The following ADAMTS10 variants were observed in gnomAD, a reference collection of about 807,000 sequenced individuals.
ADAMTS10 encodes the protein ADAM metallopeptidase with thrombospondin type 1 motif 10.
In ADAMTS10, 48 loss-of-function variants were observed where a neutral mutation model predicts 135.9. The ratio of observed to expected loss-of-function variants is 0.35; its 90% CI spans 0.28 to 0.45. The LOEUF is 0.45. Ranked by LOEUF, ADAMTS10 falls within the 20% of genes least tolerant of loss-of-function variation. ADAMTS10 has a pLI of 1.00. For synonymous variants in ADAMTS10, 621 were observed against 647.5 expected (o/e 0.96, Z 0.62); for missense variants, 1,131 against 1,565.2 (o/e 0.72, Z 4.68).
chr19:8,581,024 G>A (rs1555735695), intron 25 of ADAMTS10, 22 bp from the exon 26 acceptor site: 2 of 1,577,372 alleles, frequency 1.3e-6, no homozygotes, highest in Non-Finnish European at 1.7e-6. Context: ...GGAGAAGGAA[G>A]GAAAAATCAG....
chr19:8,599,928 T>C (rs1600114576), intron 6 of ADAMTS10, among the ~76,000 whole-genome samples: 1 of 150,148 alleles, frequency 6.7e-6, no homozygotes. Flanking sequence ...TCCACCTCCC[T>C]GGTTCAAGCG....
At chr19:8,607,134 G>A (rs908829092) in intron 2 of ADAMTS10, among the ~76,000 whole-genome samples, 4 of 152,122 alleles carry the variant, frequency 2.6e-5, no homozygotes, top group Non-Finnish European at 5.9e-5. Flanking sequence ...TTTCAAGCCA[G>A]ATTAGAGCTA....
rs376292178 is a variant in ADAMTS10 at position 8,601,118 on chromosome 19, C to T, written c.620G>A (p.Trp207Ter). The change falls in exon 6 of 26, where the codon TGG (tryptophan) becomes TAG (stop). Residue 207 changes from tryptophan to a stop codon, truncating the protein, a stop_gained. Coordinates refer to ENST00000597188, the MANE Select transcript of ADAMTS10 (RefSeq NM_030957.4). LOFTEE classifies it high-confidence loss of function. This position sits in a 1 kb window ranked among gnomAD's most constrained non-coding sequence, Gnocchi z 4.6. ...CGGTGGCTTCAAGGTCCGCAGCCACCATGGCCGCCCTTTCCACGGTTTCTC... is the reference window on the plus strand; with the variant it reads ...CGGTGGCTTCAAGGTCCGCAGCCACTATGGCCGCCCTTTCCACGGTTTCTC... ...RDEKPWKGRP[W>*]WLRTLKPPPA... 1 of 1,613,936 alleles carries T rather than the reference C, an allele frequency of 6.2e-7. No individual in the cohort carries two copies. Among genetic ancestry groups the T allele is most frequent in the Non-Finnish European group, 8.5e-7 (1 of 1,180,044 alleles).
In ADAMTS10 at chr19:8,585,037, GC is replaced by G; in HGVS notation, c.3059del (p.Gly1020AlafsTer53). On this transcript the variant is annotated frameshift_variant, in exon 25 of 26. Coordinates refer to ENST00000597188, the MANE Select transcript of ADAMTS10 (RefSeq NM_030957.4). LOFTEE classifies it high-confidence loss of function. ...GEWGECSAQCGVGQRQRSVRC... is the reference protein window; with the variant it reads ...GEWGECSAQCXVGQRQRSVRC... The stretch of plus-strand genomic sequence containing the variant: ...GCACCGAGCGCTGCCGCTGCCCGAC[GC>G]CGCACTGTGCAGAGCACTGCGAGGG... 1 of 1,530,646 alleles carries G rather than the reference GC, an allele frequency of 6.5e-7. No individual in the cohort carries two copies. The highest frequency in any genetic ancestry group is 8.8e-7 in the Non-Finnish European group (1 of 1,142,588). 94.8% of individuals were successfully genotyped at this position (1,530,646 alleles called of 1,614,324 possible).
intron 16 of ADAMTS10, 106 bp downstream of exon 16, chr19:8,589,783 G>C (rs1260790108): frequency 7.0e-7 from 1 of 1,433,516 alleles, no homozygotes; most frequent in African/African-American, 1.4e-5. Context: ...CCCGGGTGGG[G>C]ACAGGGCTCA....
chr19:8,595,647 C>T (rs1027116143), intron 12 of ADAMTS10, 115 bp downstream of exon 12: 6 of 1,533,988 alleles, frequency 3.9e-6, no homozygotes, highest in South Asian at 3.4e-5. Context: ...CCTCACCCCC[C>T]TTCCCGGTTC....
At chr19:8,594,154 T>A (rs550474672) in intron 12 of ADAMTS10, among the ~76,000 whole-genome samples, 4 of 152,196 alleles carry the variant, frequency 2.6e-5, no homozygotes, top group Non-Finnish European at 5.9e-5. Flanking sequence ...TCTGCTTTTG[T>A]CCTCCTCTCC....
At chr19:8,589,099 C>A (rs2042480724) in intron 18 of ADAMTS10, 143 bp downstream of exon 18, 1 of 1,408,270 alleles carries the variant, frequency 7.1e-7, no homozygotes, top group Non-Finnish European at 9.6e-7. Context: ...GCTGAGCCCG[C>A]AGGACTTTTG....
At position 8,596,041 on chromosome 19, in the gene ADAMTS10, C is replaced by T. The variant is rs536623466; in HGVS notation, c.1337+32G>A. ...TACCCTGCCCCACCATGAGTGTGAC[C>T]CGCTCTGAGGGACACCCAGGTGCAT... is the stretch of plus-strand genomic sequence containing the variant. On this transcript the variant is annotated intron_variant, in intron 11 of 25. Coordinates refer to ENST00000597188, the MANE Select transcript of ADAMTS10 (RefSeq NM_030957.4). The surrounding 1 kb of genome is among the most constrained non-coding windows in gnomAD (Gnocchi z 7.2). 1.4e-5 allele frequency: 23 copies of T among 1,614,012 alleles called. No homozygotes were observed. The South Asian group carries it at 2.4e-4, about 17-fold the overall frequency.
chr19:8,607,202 G>C (rs2042730703), intron 2 of ADAMTS10, among the ~76,000 whole-genome samples: 1 of 152,160 alleles, frequency 6.6e-6, no homozygotes, highest in Admixed American at 6.5e-5. Flanking sequence ...TCTGAAATGG[G>C]TAGCACCATT....
chr19:8,605,251 G>T lies in ADAMTS10; in HGVS notation c.196C>A (p.Arg66Ser). The T allele has an allele frequency of 6.2e-7, 1 of 1,613,174 alleles. No individual in the cohort carries two copies. Among genetic ancestry groups the T allele is most frequent in the Non-Finnish European group, 8.5e-7 (1 of 1,179,612 alleles). The change falls in exon 4 of 26, where the codon CGC (arginine) becomes AGC (serine). Residue 66 changes from arginine to serine, a missense_variant. Arg to Ser is a moderately radical substitution (Grantham distance 110). This residue lies in a region of ADAMTS10 where 306 missense variants were observed against 344.4 expected (regional missense o/e 0.89). Transcript: ENST00000597188. This position sits in a 1 kb window ranked among gnomAD's most constrained non-coding sequence, Gnocchi z 7.7. ...GACTCGGCTGTGGCCCCCGTGCCGC[G>T]GCGCTGCCTCCGGGGAGGAGGTGGC... ...FSPPPPRRQR[R>S]GTGATAESRL...
intron 1 of ADAMTS10, 59 bp downstream of exon 1, chr19:8,610,585 G>A (rs1359339447): frequency 6.6e-6 from 1 of 151,702 alleles, no homozygotes; most frequent in African/African-American, 2.4e-5. Context: ...ACAGCCCGAT[G>A]CGGACACACA....
chr19:8,585,703 G>T, intron 22 of ADAMTS10, 43 bp from the exon 23 acceptor site: 1 of 1,590,290 alleles, frequency 6.3e-7, no homozygotes, highest in Non-Finnish European at 8.6e-7. Flanking sequence ...CAGGGCAGGG[G>T]GTCCCAACAC....
intron 25 of ADAMTS10, 128 bp from the exon 26 acceptor site, chr19:8,581,130 C>CTTTTTTTTTTTTTTTTTTTTTTTTT (rs369050914): frequency 4.1e-5 from 6 of 147,326 alleles, no homozygotes; most frequent in East Asian, 3.2e-4. Flanking sequence ...TTTAAATTTA[C>CTTTTTTTTTTTTTTTTTTTTTTTTT]TTTTTTTTTT....
In ADAMTS10 at chr19:8,592,322, A is replaced by G. The variant is rs370165143; in HGVS notation, c.1588-219T>C. On this transcript the variant is annotated intron_variant, in intron 13 of 25. Transcript: ENST00000597188. ...GGCGTGGCCTGAGCACAGGGTGCTT[A>G]ACGGGGAGGGGTGTAGACAGGACCA... 1.0e-5 allele frequency: 9 copies of G among 901,408 alleles called. No homozygotes were observed. The East Asian group carries it at 1.3e-4, about 13-fold the overall frequency. 55.8% of individuals were successfully genotyped at this position (901,408 alleles called of 1,614,324 possible).
rs529982936 is a variant in ADAMTS10, at chr19:8,601,654, G to A, written c.593-509C>T. Among the ~76,000 whole-genome samples the A allele has an allele frequency of 1.1e-4, 16 of 152,244 alleles. No homozygotes were observed. The highest frequency in any genetic ancestry group is 8.3e-4 in the South Asian group (4 of 4,832). ...TGGGATTACAGGTTTGAGCCACTGC[G>A]CCTGGCTGCCTCATTGTTTTGTCTA... is the stretch of plus-strand genomic sequence containing the variant. On this transcript the variant is annotated intron_variant, in intron 5 of 25. Transcript: ENST00000597188. This position sits in a 1 kb window ranked among gnomAD's most constrained non-coding sequence, Gnocchi z 4.6.
intron 25 of ADAMTS10, among the ~76,000 whole-genome samples, chr19:8,583,720 G>A (rs1382327770): frequency 3.3e-5 from 5 of 152,100 alleles, no homozygotes; most frequent in African/African-American, 1.2e-4. Context: ...ACTGGGCACT[G>A]TGGCTCTTGC....
At chr19:8,598,237 T>C (rs548070345) in intron 6 of ADAMTS10, among the ~76,000 whole-genome samples, 36 of 152,288 alleles carry the variant, frequency 2.4e-4, no homozygotes, top group African/African-American at 8.4e-4. Context: ...CTGGATTGCT[T>C]ACCAGAACAT....
Position 8,591,448 on chromosome 19 carries a change from T to G in ADAMTS10, c.1797+352A>C, listed in dbSNP as rs1288155282. ...GCACTCTGATAGCGTTTTTGTTTTT[T>G]TTTTTTTTTTTGAGATGGAGTTTCG... On this transcript the variant is annotated intron_variant, in intron 15 of 25. Coordinates refer to ENST00000597188, the MANE Select transcript of ADAMTS10 (RefSeq NM_030957.4). 3.5e-4 allele frequency among the ~76,000 whole-genome samples: 35 copies of G among 100,310 alleles called. 1 individual carries two copies. The highest frequency in any genetic ancestry group is 3.1e-4 in the Non-Finnish European group (13 of 41,922). The allele number at this position is 100,310 out of a possible 152,430, so 65.8% of individuals were successfully genotyped here. A position where few individuals can be genotyped will look rare whatever the true frequency, so the allele number is the denominator to read the frequency against.
Sources: gnomAD v4.1 joint callset for allele counts (sites outside exome capture counted in the v4.1 genomes callset) on GRCh38, gnomAD v4.1.1 for gene constraint, gnomAD v4.1.1 regional missense constraint, Gnocchi (gnomAD v3.1) non-coding constraint, MANE v1.5 for transcripts, NCBI Gene and HGNC (gene_info 2026-07-23, HGNC 2026-07-21) for gene names.